The following TSNARE1 variants were observed in gnomAD, a reference collection of about 807,000 sequenced individuals.
TSNARE1 encodes t-SNARE domain containing 1.
In TSNARE1, 49 loss-of-function variants were observed where a neutral mutation model predicts 62.0. The observed-to-expected ratio is 0.79, with a 90% CI of 0.63 to 1.00. The LOEUF is 1.00. Ranked by LOEUF, TSNARE1 falls within the 50% of genes least tolerant of loss-of-function variation. The probability of loss-of-function intolerance (pLI) is 0.00; values close to 1 mark genes in which losing one functional copy is unlikely to be tolerated. For missense variants in TSNARE1, 755 were observed against 700.1 expected, an observed-to-expected ratio of 1.08 and a Z score of -0.88; for synonymous variants, 328 against 294.4, an observed-to-expected ratio of 1.11 and a Z score of -1.17.
At chr8:142,294,737 C>A (rs949771609) in intron 10 of TSNARE1, among the ~76,000 whole-genome samples, 1 of 152,194 alleles carries the variant, frequency 6.6e-6, no homozygotes, top group Non-Finnish European at 1.5e-5. Context: ...AGCAGACAGC[C>A]CTACAGAGGA....
chr8:142,335,149 TATC>T (rs1374333346), intron 4 of TSNARE1, among the ~76,000 whole-genome samples: 4 of 151,998 alleles, frequency 2.6e-5, no homozygotes, highest in African/African-American at 4.8e-5. Flanking sequence ...GAGGCAGGGT[TATC>T]ATGTGTTATA....
intron 13 of TSNARE1, among the ~76,000 whole-genome samples, chr8:142,218,813 ACT>A (rs1300765491): frequency 3.3e-5 from 5 of 152,112 alleles, no homozygotes; most frequent in Non-Finnish European, 5.9e-5. Flanking sequence ...TTCACATTCC[ACT>A]GCTGACACTT....
intron 10 of TSNARE1, among the ~76,000 whole-genome samples, chr8:142,285,068 G>A (rs1271755993): frequency 6.6e-6 from 1 of 152,226 alleles, no homozygotes; most frequent in Admixed American, 6.5e-5. Flanking sequence ...GTGGACAAAA[G>A]GGTGGATGGG....
chr8:142,392,966 A>G (rs973458580), intron 1 of TSNARE1, among the ~76,000 whole-genome samples: 2 of 151,708 alleles, frequency 1.3e-5, no homozygotes, highest in South Asian at 2.1e-4. Context: ...AAAAAAAGAA[A>G]GAAAGAAACT....
At chr8:142,311,398 A>G (rs2131552675) in intron 9 of TSNARE1, among the ~76,000 whole-genome samples, 1 of 149,610 alleles carries the variant, frequency 6.7e-6, no homozygotes, top group Non-Finnish European at 1.5e-5. Flanking sequence ...CCCGGGTTCA[A>G]GTGGTTCTCC....
intron 11 of TSNARE1, chr8:142,276,338 G>A (rs1820489854): frequency 3.0e-6 from 3 of 985,472 alleles, no homozygotes; most frequent in Non-Finnish European, 3.6e-6. Flanking sequence ...GGAGGAGAGG[G>A]AAGGAAGATG....
Position 142,344,227 on chromosome 8 carries a change from G to A in TSNARE1, c.484C>T (p.Arg162Cys), listed in dbSNP as rs148801053. 386 of 1,613,346 alleles carry A rather than the reference G, an allele frequency of 2.4e-4. 1 individual carries two copies. Among genetic ancestry groups the A allele is most frequent in the Non-Finnish European group, 3.0e-4 (354 of 1,179,730 alleles). ...GCCTGCAGGATGCGGCTCCACACGC[G>A]GTACCTGCGAGTGGGCTCGGCCTTC... ...LLKAEPTRRY[R>C]VWSRILQAVN... The change falls in exon 4 of 14, where the codon CGC (arginine) becomes TGC (cysteine). Residue 162 changes from arginine to cysteine, a missense_variant. Physicochemically the swap from Arg to Cys is radical, Grantham distance 180 (BLOSUM62 -3). Transcript: ENST00000524325.
chr8:142,323,330 C>T (rs1829764383), intron 6 of TSNARE1, among the ~76,000 whole-genome samples: 1 of 152,194 alleles, frequency 6.6e-6, no homozygotes, highest in East Asian at 1.9e-4. Context: ...GGGGGCAGCA[C>T]CAGCATGGCT....
chr8:142,269,944 C>T (rs190044249), intron 12 of TSNARE1: 43 of 985,458 alleles, frequency 4.4e-5, no homozygotes, highest in Non-Finnish European at 1.2e-6. Context: ...GGCCCCTCTC[C>T]CTGCTCTCAG....
At position 142,301,856 on chromosome 8, in the gene TSNARE1, G is replaced by A. The variant is rs374202448; in HGVS notation, c.1132-1212C>T. ...ACAGCCGAGGACACTGAGGCAGAGCGAGGTGGGGCTGGCACCATGCTAAAT... is the reference window on the plus strand; with the variant it reads ...ACAGCCGAGGACACTGAGGCAGAGCAAGGTGGGGCTGGCACCATGCTAAAT... On this transcript the variant is annotated intron_variant, in intron 9 of 13. Coordinates refer to ENST00000524325, the MANE Select transcript of TSNARE1 (RefSeq NM_145003.5). Among the ~76,000 whole-genome samples the A allele has an allele frequency of 1.1e-4, 17 of 152,332 alleles. No individual in the cohort carries two copies. The East Asian group carries it at 1.4e-3, about 12-fold the overall frequency.
In TSNARE1 at chr8:142,334,487, G is replaced by T. The variant is rs1023898125; in HGVS notation, c.746-2656C>A. On this transcript the variant is annotated intron_variant, in intron 4 of 13. Transcript: ENST00000524325. ...GGCCAGTAAGTGGCACACACAGGGT[G>T]GGGGGGCAGCAGGGGGGACGGGACA... 4.6e-5 allele frequency among the ~76,000 whole-genome samples: 7 copies of T among 151,802 alleles called. No homozygotes were observed. In the South Asian group the frequency reaches 1.0e-3, roughly 23 times the overall value.
At chr8:142,361,173 G>A (rs1219818739) in intron 1 of TSNARE1, among the ~76,000 whole-genome samples, 1 of 152,238 alleles carries the variant, frequency 6.6e-6, no homozygotes, top group Non-Finnish European at 1.5e-5. Context: ...CGCGTTCTCT[G>A]TACCTCTGAC....
intron 1 of TSNARE1, among the ~76,000 whole-genome samples, chr8:142,368,327 T>C (rs1219195835): frequency 6.6e-6 from 1 of 152,054 alleles, no homozygotes; most frequent in Non-Finnish European, 1.5e-5. Flanking sequence ...AACTGGTGCT[T>C]AAACATGTGA....
At chr8:142,245,125 GTTACTA>G (rs1817834774) in intron 12 of TSNARE1, among the ~76,000 whole-genome samples, 1 of 152,228 alleles carries the variant, frequency 6.6e-6, no homozygotes, top group African/African-American at 2.4e-5. Context: ...ACCACACTTA[GTTACTA>G]TTTTACACCC....
chr8:142,337,561 C>A (rs1831923793), intron 4 of TSNARE1, among the ~76,000 whole-genome samples: 1 of 152,252 alleles, frequency 6.6e-6, no homozygotes, highest in South Asian at 2.1e-4. Context: ...AGCATAACCT[C>A]AAGACTGAGG....
intron 4 of TSNARE1, among the ~76,000 whole-genome samples, chr8:142,337,175 C>T (rs1342907157): frequency 6.6e-6 from 1 of 152,076 alleles, no homozygotes; most frequent in Non-Finnish European, 1.5e-5. Flanking sequence ...ACATCTGGAC[C>T]TTTCAAATGA....
chr8:142,402,086 G>T (rs978292031), intron 1 of TSNARE1, among the ~76,000 whole-genome samples: 1 of 152,112 alleles, frequency 6.6e-6, no homozygotes, highest in Non-Finnish European at 1.5e-5. Flanking sequence ...CAGACATACC[G>T]GAAGCGGAGC....
At chr8:142,226,721 A>G (rs138658655) in intron 13 of TSNARE1, among the ~76,000 whole-genome samples, 130 of 152,172 alleles carry the variant, frequency 8.5e-4, no homozygotes, top group African/African-American at 2.8e-3. Context: ...CCAGGGCAGG[A>G]CCTCCAGACA....
chr8:142,256,522 A>C (rs145818373), intron 12 of TSNARE1, among the ~76,000 whole-genome samples: 2 of 87,454 alleles, frequency 2.3e-5, no homozygotes, highest in Non-Finnish European at 4.9e-5. Context: ...CCACCACCAC[A>C]ACCATCACCA....
Sources: gnomAD v4.1 joint callset for allele counts (sites outside exome capture counted in the v4.1 genomes callset) on GRCh38, gnomAD v4.1.1 for gene constraint, MANE v1.5 for transcripts, NCBI Gene and HGNC (gene_info 2026-07-23, HGNC 2026-07-21) for gene names.